The following PLCH2 variants were observed in gnomAD, a reference collection of about 807,000 sequenced individuals.
PLCH2 encodes the protein 1-phosphatidylinositol 4,5-bisphosphate phosphodiesterase eta-2.
A neutral mutation model predicts 134.7 loss-of-function variants in PLCH2; 98 were observed. The observed-to-expected ratio is 0.73, with a 90% CI of 0.62 to 0.86. The LOEUF is 0.86. Among genes scored for constraint, PLCH2 ranks in the 40% least tolerant of loss-of-function variants. The probability of loss-of-function intolerance (pLI) is 0.00; values close to 1 mark genes in which losing one functional copy is unlikely to be tolerated. For synonymous variants in PLCH2, 974 were observed against 827.5 expected (o/e 1.18, Z -3.04); for missense variants, 1,994 against 1,986.6 (o/e 1.00, Z -0.07).
chr1:2,455,999 C>G (rs563721219), intron 2 of PLCH2, among the ~76,000 whole-genome samples: 1 of 152,232 alleles, frequency 6.6e-6, no homozygotes, highest in Admixed American at 6.5e-5. Context: ...GGTAGGAGCT[C>G]GGCAAGTGGT....
At chr1:2,503,805 G>A (rs1397739648) in intron 21 of PLCH2, 117 bp from the exon 22 acceptor site, 5 of 613,880 alleles carry the variant, frequency 8.1e-6, no homozygotes, top group Admixed American at 2.6e-5. Flanking sequence ...GGCGACCCTC[G>A]GCACAGGGCA....
intron 2 of PLCH2, among the ~76,000 whole-genome samples, chr1:2,451,197 C>G: frequency 6.6e-6 from 1 of 152,270 alleles, no homozygotes; most frequent in Non-Finnish European, 1.5e-5. Context: ...AACAAGGTGC[C>G]GGGCGCTTCT....
At chr1:2,479,386 G>A in intron 2 of PLCH2, 2 of 228,016 alleles carry the variant, frequency 8.8e-6, no homozygotes, top group Non-Finnish European at 1.8e-5. Context: ...CCCTGGAGGT[G>A]TCCAGGGGCT....
chr1:2,503,904 T>TCCCCCCCCCCCCCCCCCCCCCCCC lies in PLCH2; in HGVS notation c.2960-13_2960-12insCCCCCCCCCCCCCCCCCCCCCCCC. The TCCCCCCCCCCCCCCCCCCCCCCCC allele has an allele frequency of 1.4e-6, 1 of 694,074 alleles. No homozygotes were observed. Among genetic ancestry groups the TCCCCCCCCCCCCCCCCCCCCCCCC allele is most frequent in the Non-Finnish European group, 2.6e-6 (1 of 391,104 alleles). 43.0% of individuals were successfully genotyped at this position (694,074 alleles called of 1,614,324 possible). On this transcript the variant is annotated splice_polypyrimidine_tract_variant and intron_variant, in intron 21 of 21. Transcript: ENST00000378486. ...GCTTCTCCCTCTGGCTCTCTCTCACTCCCCCACCTCCCCACAGACACCCGC... is the reference window on the plus strand; with the variant it reads ...GCTTCTCCCTCTGGCTCTCTCTCACTCCCCCCCCCCCCCCCCCCCCCCCCCCCCCACCTCCCCACAGACACCCGC...
intron 13 of PLCH2, 27 bp downstream of exon 13, chr1:2,495,597 C>CCCGCACACTCCTGGGAGCCT: frequency 6.7e-7 from 1 of 1,494,352 alleles, no homozygotes; most frequent in Non-Finnish European, 9.0e-7. Flanking sequence ...ACGGGGAGGC[C>CCCGCACACTCCTGGGAGCCT]CCGCACACTC....
intron 2 of PLCH2, among the ~76,000 whole-genome samples, chr1:2,454,244 G>A (rs1402154458): frequency 3.9e-5 from 6 of 152,156 alleles, no homozygotes; most frequent in Non-Finnish European, 5.9e-5. Context: ...ACCTGGGCCT[G>A]GGCCCTCCAG....
rs769803372 is a variant in PLCH2 at position 2,444,960 on chromosome 1, A to G, written c.115+14331A>G. On this transcript the variant is annotated intron_variant, in intron 2 of 3. Coordinates refer to the PLCH2 transcript ENST00000609981. This position sits in a 1 kb window ranked among gnomAD's most constrained non-coding sequence, Gnocchi z 4.6. ...GTGCAGCCTCAGAGGGGATTCAGGC[A>G]CCATGGGAGGCCGGGGAGGGGCAAG... is the stretch of plus-strand genomic sequence containing the variant. Among the ~76,000 whole-genome samples the G allele has an allele frequency of 1.6e-4, 25 of 151,984 alleles. No homozygotes were observed. Among genetic ancestry groups the G allele is most frequent in the Non-Finnish European group, 2.8e-4 (19 of 68,004 alleles).
chr1:2,501,047 G>A (rs1201476563), intron 20 of PLCH2: 1 of 151,838 alleles, frequency 6.6e-6, no homozygotes, highest in Non-Finnish European at 1.5e-5. Flanking sequence ...CACCCCTGAG[G>A]CCGGCGCTCC....
chr1:2,487,329 T>C lies in PLCH2; in HGVS notation c.1067T>C (p.Val356Ala), dbSNP rs1466461922. 1.9e-6 allele frequency: 3 copies of C among 1,613,704 alleles called. No individual in the cohort carries two copies. The South Asian group carries it at 3.3e-5, about 18-fold the overall frequency. The stretch of plus-strand genomic sequence containing the variant: ...GACCAGCTCATGTCCCAGTCACGGG[T>C]GGACATGTATGCTTGGGTCCTGCAG... Reference protein sequence around the residue: ...VGDQLMSQSRVDMYAWVLQAG... With the variant: ...VGDQLMSQSRADMYAWVLQAG... Residue 356 changes from valine (V) to alanine (A), a missense_variant, in exon 7 of 22, where the codon GTG becomes GCG. Physicochemically the swap from Val to Ala is moderately conservative, Grantham distance 64. Around this residue, in one of 2 missense-constraint regions of PLCH2, gnomAD observed 1,094 missense variants for 1,234.3 expected, o/e 0.89. Coordinates refer to ENST00000378486, the MANE Select transcript of PLCH2 (RefSeq NM_014638.4).
intron 2 of PLCH2, among the ~76,000 whole-genome samples, chr1:2,457,974 C>T (rs1286503935): frequency 1.3e-5 from 2 of 151,576 alleles, no homozygotes; most frequent in Non-Finnish European, 2.9e-5. Flanking sequence ...CAGAGAGCAA[C>T]GTGCGGGCCT....
intron 2 of PLCH2, among the ~76,000 whole-genome samples, chr1:2,454,850 G>A (rs1640411562): frequency 6.6e-6 from 1 of 152,192 alleles, no homozygotes; most frequent in Non-Finnish European, 1.5e-5. Context: ...CAGTGGCAGT[G>A]TGGGTGAGAC....
chr1:2,422,961 C>T (rs12096965), upstream of PLCH2, among the ~76,000 whole-genome samples: 20,188 of 152,130 alleles, frequency 0.13, 1,527 homozygotes, highest in Admixed American at 0.19. Context: ...AATCTTGACA[C>T]GTTTTATTAA....
In PLCH2 at chr1:2,487,345, G is replaced by T. The variant is rs1240124105; in HGVS notation, c.1083G>T (p.Trp361Cys). Residue 361 changes from tryptophan to cysteine, a missense_variant, in exon 7 of 22, where the codon TGG becomes TGT. Coordinates refer to ENST00000378486, the MANE Select transcript of PLCH2 (RefSeq NM_014638.4). ...MSQSRVDMYA[W>C]VLQAGCRCVE... ...AGTCACGGGTGGACATGTATGCTTG[G>T]GTCCTGCAGGCTGGCTGCCGCTGCG... 5.6e-6 allele frequency: 9 copies of T among 1,613,466 alleles called. No individual in the cohort carries two copies. In the Admixed American group the frequency reaches 8.3e-5, roughly 15 times the overall value.
upstream of PLCH2, among the ~76,000 whole-genome samples, chr1:2,425,267 A>G (rs1319967974): frequency 7.0e-6 from 1 of 143,720 alleles, no homozygotes; most frequent in Non-Finnish European, 1.5e-5. Flanking sequence ...ACATACACAC[A>G]TATACACACA....
At chr1:2,432,341 T>G (rs2100489155) in intron 2 of PLCH2, among the ~76,000 whole-genome samples, 1 of 152,172 alleles carries the variant, frequency 6.6e-6, no homozygotes, top group East Asian at 1.9e-4. Flanking sequence ...CTGGGGCAGG[T>G]GGACAGCAGG....
upstream of PLCH2, among the ~76,000 whole-genome samples, chr1:2,425,400 G>A (rs1472258274): frequency 5.3e-5 from 8 of 152,074 alleles, no homozygotes; most frequent in Non-Finnish European, 1.0e-4. Context: ...TCTGTAACTC[G>A]GCTGTTGTGA....
At position 2,479,716 on chromosome 1, in the gene PLCH2, T is replaced by C. The variant is rs1422612931; in HGVS notation, c.272-18T>C. 1.3e-6 allele frequency: 2 copies of C among 1,525,144 alleles called. No individual in the cohort carries two copies. The highest frequency in any genetic ancestry group is 1.8e-6 in the Non-Finnish European group (2 of 1,127,978). The allele number at this position is 1,525,144 out of a possible 1,614,324, so 94.5% of individuals were successfully genotyped here. On this transcript the variant is annotated intron_variant, in intron 2 of 21. Coordinates refer to ENST00000378486, the MANE Select transcript of PLCH2 (RefSeq NM_014638.4). ...GGGCCCCCGGGGACCTGACCCGTGC[T>C]CCCTCCCCACCCCGCAGTCTCCATC...
intron 21 of PLCH2, chr1:2,503,684 C>A: frequency 3.0e-6 from 2 of 660,612 alleles, no homozygotes; most frequent in Non-Finnish European, 2.8e-6. Flanking sequence ...TGTCCCAGCC[C>A]AAGGAGGGCC....
intron 1 of PLCH2, 29 bp from the exon 2 acceptor site, chr1:2,478,447 G>A (rs1425807321): frequency 1.4e-5 from 23 of 1,607,476 alleles, no homozygotes; most frequent in South Asian, 2.2e-5. Context: ...CTGTGCCTCC[G>A]CTGACAGCCG....
Sources: allele counts gnomAD v4.1 joint callset (sites outside exome capture counted in the v4.1 genomes callset), GRCh38; gene constraint gnomAD v4.1.1; regional missense constraint gnomAD v4.1.1; non-coding constraint Gnocchi (gnomAD v3.1); transcripts MANE v1.5; gene names NCBI Gene and HGNC (gene_info 2026-07-23, HGNC 2026-07-21).